FAM81B: variants seen among roughly 807,000 people sequenced by gnomAD.
FAM81B encodes the protein protein FAM81B.
A neutral mutation model predicts 58.7 loss-of-function variants in FAM81B; 60 were observed. That is an observed-to-expected ratio of 1.02 (90% CI 0.83 to 1.27). The LOEUF is 1.27. FAM81B is among the 50% of genes most tolerant of loss of function. FAM81B has a pLI of 0.00. For synonymous variants in FAM81B, 189 were observed against 179.6 expected, an observed-to-expected ratio of 1.05 and a Z score of -0.42; for missense variants, 491 against 522.0, an observed-to-expected ratio of 0.94 and a Z score of 0.58.
At chr5:95,400,674 A>G (rs1045740192) in intron 3 of FAM81B, among the ~76,000 whole-genome samples, 1 of 152,166 alleles carries the variant, frequency 6.6e-6, no homozygotes, top group Non-Finnish European at 1.5e-5. Flanking sequence ...AAGAACACAT[A>G]TATACAACAT....
chr5:95,424,016 T>A (rs1239985785), intron 5 of FAM81B: 4 of 1,289,144 alleles, frequency 3.1e-6, no homozygotes, highest in Non-Finnish European at 4.0e-6. Flanking sequence ...TAGCCAAGGA[T>A]GCAACCGTGT....
At chr5:95,407,261 T>TAC (rs5869678) in intron 3 of FAM81B, among the ~76,000 whole-genome samples, 3,381 of 143,730 alleles carry the variant, frequency 0.024, 127 homozygotes, top group African/African-American at 0.073. Flanking sequence ...TGTTCTCTTT[T>TAC]ACACACACAC....
intron 5 of FAM81B, among the ~76,000 whole-genome samples, chr5:95,424,448 TA>T (rs201540055): frequency 0.22 from 30,168 of 134,390 alleles, 3,143 homozygotes; most frequent in African/African-American, 0.28. Flanking sequence ...ACAAAGAATT[TA>T]AAAAAAAAAA....
At position 95,414,226 on chromosome 5, in the gene FAM81B, G is replaced by A. The variant is rs374945873; in HGVS notation, c.537+36G>A. On this transcript the variant is annotated intron_variant, in intron 4 of 9. Transcript: ENST00000283357. Reference sequence around the variant, plus strand: ...TTTTGTTTTATTTTGTTTTTGTTTTGTATTTTGGCAGCATTGCTTGATAAA... The same window carrying A: ...TTTTGTTTTATTTTGTTTTTGTTTTATATTTTGGCAGCATTGCTTGATAAA... 3.2e-5 allele frequency: 51 copies of A among 1,577,752 alleles called. No homozygotes were observed. In the African/African-American group the frequency reaches 6.0e-4, roughly 19 times the overall value.
intron 6 of FAM81B, among the ~76,000 whole-genome samples, chr5:95,433,909 T>G (rs1229208259): frequency 6.6e-6 from 1 of 152,226 alleles, no homozygotes; most frequent in Non-Finnish European, 1.5e-5. Flanking sequence ...CTACTCTTTT[T>G]TCTTTCTTAA....
rs145183984 is a variant in FAM81B at position 95,412,369 on chromosome 5, G to T, written c.294-1578G>T. Among the ~76,000 whole-genome samples the T allele has an allele frequency of 1.1e-4, 17 of 152,214 alleles. No homozygotes were observed. The East Asian group carries it at 3.3e-3, about 29-fold the overall frequency. ...CAGAAGCAATACTGATAATCAAATAGTCACACTATTGTGTGTCTTCTTATC... is the reference window on the plus strand; with the variant it reads ...CAGAAGCAATACTGATAATCAAATATTCACACTATTGTGTGTCTTCTTATC... On this transcript the variant is annotated intron_variant, in intron 3 of 9. Transcript: ENST00000283357.
At chr5:95,445,548 C>G (rs931563323) in intron 7 of FAM81B, among the ~76,000 whole-genome samples, 1 of 152,116 alleles carries the variant, frequency 6.6e-6, no homozygotes, top group Non-Finnish European at 1.5e-5. Context: ...TTATCCACTT[C>G]TATTCTTAAA....
intron 3 of FAM81B, among the ~76,000 whole-genome samples, chr5:95,407,425 T>C (rs11749602): frequency 0.25 from 36,856 of 146,800 alleles, 4,882 homozygotes; most frequent in Middle Eastern, 0.29. Flanking sequence ...CACACACGCG[T>C]GCGCGCACAC....
At chr5:95,435,581 A>G (rs998551579) in intron 6 of FAM81B, among the ~76,000 whole-genome samples, 7 of 152,210 alleles carry the variant, frequency 4.6e-5, no homozygotes, top group Admixed American at 3.3e-4. Flanking sequence ...TAAAGAGTCA[A>G]GAAAAGTCAT....
Position 95,450,276 on chromosome 5 carries a change from A to T in FAM81B, c.1353A>T (p.Glu451Asp). The T allele has an allele frequency of 6.2e-7, 1 of 1,611,708 alleles. No homozygotes were observed. The highest frequency in any genetic ancestry group is 1.3e-5 in the African/African-American group (1 of 74,896). ...KLQRKIVELQEV is the reference protein window; with the variant it reads ...KLQRKIVELQDV ...AGCGCAAGATAGTGGAACTCCAGGA[A>T]GTATAAACCTTTTCAGTCATCTTCT... The change falls in exon 10 of 10, where the codon GAA (glutamate) becomes GAT (aspartate). Residue 451 changes from glutamate (E) to aspartate (D), a missense_variant. Coordinates refer to ENST00000283357, the MANE Select transcript of FAM81B (RefSeq NM_152548.3).
At chr5:95,412,838 G>A (rs1259447202) in intron 3 of FAM81B, among the ~76,000 whole-genome samples, 1 of 152,216 alleles carries the variant, frequency 6.6e-6, no homozygotes, top group Admixed American at 6.5e-5. Flanking sequence ...CAGTTGATAA[G>A]AAAGATGGGG....
intron 7 of FAM81B, 96 bp from the exon 8 acceptor site, chr5:95,446,466 A>T: frequency 8.5e-7 from 1 of 1,174,908 alleles, no homozygotes; most frequent in Non-Finnish European, 1.2e-6. Flanking sequence ...AGACACACTG[A>T]GTCTCGTCAC....
At chr5:95,402,219 TG>T (rs1561291679) in intron 3 of FAM81B, among the ~76,000 whole-genome samples, 1 of 152,216 alleles carries the variant, frequency 6.6e-6, no homozygotes, top group Non-Finnish European at 1.5e-5. Flanking sequence ...CTTAGAAAAT[TG>T]AGACATGCTC....
chr5:95,402,914 A>G lies in FAM81B; in HGVS notation c.293+6739A>G, dbSNP rs181553712. Among the ~76,000 whole-genome samples the G allele has an allele frequency of 3.3e-5, 5 of 152,314 alleles. No individual in the cohort carries two copies. The East Asian group carries it at 7.7e-4, about 23-fold the overall frequency. On this transcript the variant is annotated intron_variant, in intron 3 of 9. Coordinates refer to ENST00000283357, the MANE Select transcript of FAM81B (RefSeq NM_152548.3). ...GTTGGCCCTGTTTACAGATGAAGCA[A>G]TTAGAACACTCGGTTGGTAAGTGGT...
chr5:95,428,823 T>G, intron 6 of FAM81B, 91 bp downstream of exon 6: 1 of 1,552,270 alleles, frequency 6.4e-7, no homozygotes, highest in Non-Finnish European at 8.8e-7. Flanking sequence ...GGTGGTAATT[T>G]TTTAAGAGAA....
At chr5:95,401,210 T>G (rs1182753261) in intron 3 of FAM81B, among the ~76,000 whole-genome samples, 1 of 152,208 alleles carries the variant, frequency 6.6e-6, no homozygotes, top group Non-Finnish European at 1.5e-5. Flanking sequence ...GTCTGCCTTA[T>G]AGAGCGCATC....
At chr5:95,393,136 T>A (rs1048010895) in intron 2 of FAM81B, among the ~76,000 whole-genome samples, 1 of 152,234 alleles carries the variant, frequency 6.6e-6, no homozygotes, top group East Asian at 1.9e-4. Context: ...TTTAAGTTGA[T>A]CATTATGTAT....
chr5:95,414,514 A>G (rs866443505), intron 4 of FAM81B, among the ~76,000 whole-genome samples: 2 of 152,330 alleles, frequency 1.3e-5, no homozygotes, highest in Middle Eastern at 3.4e-3. Flanking sequence ...AATAACTTCA[A>G]ATAGAGGTTT....
intron 5 of FAM81B, chr5:95,424,152 A>G (rs1396740883): frequency 1.6e-6 from 2 of 1,289,830 alleles, no homozygotes; most frequent in African/African-American, 1.5e-5. Flanking sequence ...AGAGGATGCT[A>G]TCTACCAGCC....
Sources: allele counts gnomAD v4.1 joint callset (sites outside exome capture counted in the v4.1 genomes callset), GRCh38; gene constraint gnomAD v4.1.1; transcripts MANE v1.5; gene names NCBI Gene and HGNC (gene_info 2026-07-23, HGNC 2026-07-21).